The following SPAG16 variants were observed in gnomAD, a reference collection of about 807,000 sequenced individuals.
SPAG16 encodes the protein sperm-associated antigen 16 protein.
In SPAG16, 86 loss-of-function variants were observed where a neutral mutation model predicts 80.4. The ratio of observed to expected loss-of-function variants is 1.07; its 90% CI spans 0.90 to 1.28. SPAG16 has a LOEUF of 1.28. Ranked by LOEUF, SPAG16 falls within the 50% of genes most tolerant of loss-of-function variation. SPAG16 has a pLI of 0.00. For missense variants in SPAG16, 870 were observed against 765.3 expected (o/e 1.14, Z -1.61); for synonymous variants, 294 against 265.9 (o/e 1.11, Z -1.03).
chr2:213,536,718 T>C (rs2076262848), intron 10 of SPAG16, among the ~76,000 whole-genome samples: 1 of 152,194 alleles, frequency 6.6e-6, no homozygotes, highest in Non-Finnish European at 1.5e-5. Flanking sequence ...CATTGTAGAT[T>C]CTGGATATTA....
intron 15 of SPAG16, among the ~76,000 whole-genome samples, chr2:214,171,728 AC>A (rs1373557472): frequency 6.6e-6 from 1 of 151,992 alleles, no homozygotes; most frequent in Non-Finnish European, 1.5e-5. Flanking sequence ...ATTTCATGAT[AC>A]TAGTTTAAGA....
chr2:213,598,516 G>T (rs1461953369), intron 10 of SPAG16, among the ~76,000 whole-genome samples: 1 of 152,174 alleles, frequency 6.6e-6, no homozygotes, highest in Non-Finnish European at 1.5e-5. Flanking sequence ...TCACTGGGAA[G>T]AATTCCAGAT....
At chr2:213,557,807 T>A (rs1441144913) in intron 10 of SPAG16, among the ~76,000 whole-genome samples, 1 of 152,202 alleles carries the variant, frequency 6.6e-6, no homozygotes, top group East Asian at 1.9e-4. Context: ...ATCTGCCTAT[T>A]GACTTGTTTA....
intron 15 of SPAG16, among the ~76,000 whole-genome samples, chr2:214,390,589 T>TA (rs1701020954): frequency 6.6e-6 from 1 of 152,126 alleles, no homozygotes; most frequent in Admixed American, 6.6e-5. Context: ...ATGGGCAGTT[T>TA]AAATCTAGTA....
chr2:213,864,400 A>G (rs1310194727), intron 11 of SPAG16, among the ~76,000 whole-genome samples: 1 of 152,122 alleles, frequency 6.6e-6, no homozygotes, highest in Admixed American at 6.5e-5. Flanking sequence ...ATAATTTAAA[A>G]TCAAACCTAA....
intron 11 of SPAG16, among the ~76,000 whole-genome samples, chr2:213,905,437 A>G (rs1258124858): frequency 6.6e-6 from 1 of 152,232 alleles, no homozygotes; most frequent in East Asian, 1.9e-4. Flanking sequence ...GGCACATACA[A>G]TCCACTGGCA....
At chr2:214,281,169 C>T (rs1030040365) in intron 15 of SPAG16, 14 of 343,372 alleles carry the variant, frequency 4.1e-5, no homozygotes, top group South Asian at 2.0e-4. Context: ...CAGTACAATA[C>T]GCTGCAGCGT....
At chr2:214,168,794 G>A (rs1312612093) in intron 15 of SPAG16, among the ~76,000 whole-genome samples, 1 of 152,058 alleles carries the variant, frequency 6.6e-6, no homozygotes, top group Non-Finnish European at 1.5e-5. Context: ...TTACCTGAGA[G>A]CAAAGGGGAA....
intron 12 of SPAG16, among the ~76,000 whole-genome samples, chr2:213,977,112 G>A (rs993013558): frequency 6.6e-6 from 1 of 152,004 alleles, no homozygotes; most frequent in Non-Finnish European, 1.5e-5. Flanking sequence ...GACCAAGCAG[G>A]GGGATATGGG....
At chr2:214,165,600 T>A (rs186693775) in intron 15 of SPAG16, among the ~76,000 whole-genome samples, 3 of 149,974 alleles carry the variant, frequency 2.0e-5, no homozygotes, top group Non-Finnish European at 3.0e-5. Context: ...GGGCCTAAAC[T>A]ATTCTATAAT....
At chr2:213,419,014 T>C (rs2069431962) in intron 9 of SPAG16, among the ~76,000 whole-genome samples, 1 of 108,570 alleles carries the variant, frequency 9.2e-6, no homozygotes, top group Admixed American at 9.1e-5. Context: ...TTCCTAATGC[T>C]GCTATGCTAC....
chr2:214,005,943 G>C (rs929510633), intron 12 of SPAG16, among the ~76,000 whole-genome samples: 5 of 152,064 alleles, frequency 3.3e-5, no homozygotes, highest in Non-Finnish European at 7.4e-5. Context: ...GTTCATGTTG[G>C]ATTGTTAGAG....
intron 15 of SPAG16, among the ~76,000 whole-genome samples, chr2:214,180,330 G>A (rs942572168): frequency 4.2e-5 from 6 of 143,556 alleles, no homozygotes; most frequent in Admixed American, 1.4e-4. Flanking sequence ...TTTTGTTCTA[G>A]CCCTCTTTGT....
At chr2:213,989,748 A>G (rs2046189155) in intron 12 of SPAG16, among the ~76,000 whole-genome samples, 1 of 152,152 alleles carries the variant, frequency 6.6e-6, no homozygotes, top group Non-Finnish European at 1.5e-5. Flanking sequence ...GTTCAAATCG[A>G]TGTCAGACAT....
intron 11 of SPAG16, among the ~76,000 whole-genome samples, chr2:213,880,984 G>T (rs1447977788): frequency 6.6e-6 from 1 of 152,090 alleles, no homozygotes; most frequent in African/African-American, 2.4e-5. Flanking sequence ...TTTTTGAATA[G>T]TTTTTTCCTA....
At chr2:214,388,817 A>C (rs1700905103) in intron 15 of SPAG16, among the ~76,000 whole-genome samples, 1 of 152,182 alleles carries the variant, frequency 6.6e-6, no homozygotes, top group Non-Finnish European at 1.5e-5. Context: ...TATACCACAT[A>C]TATTGGTTTC....
At chr2:213,911,221 C>T (rs1462151578) in intron 11 of SPAG16, among the ~76,000 whole-genome samples, 1 of 152,240 alleles carries the variant, frequency 6.6e-6, no homozygotes, top group Non-Finnish European at 1.5e-5. Flanking sequence ...TCACAGCTCA[C>T]TGCAACTTCC....
intron 13 of SPAG16, among the ~76,000 whole-genome samples, chr2:214,101,726 T>C (rs1311856126): frequency 2.0e-5 from 3 of 152,270 alleles, no homozygotes; most frequent in African/African-American, 4.8e-5. Flanking sequence ...TCTGCCACTT[T>C]TTATTTGTGG....
At chr2:214,085,225 A>G (rs1366749080) in intron 13 of SPAG16, among the ~76,000 whole-genome samples, 2 of 152,128 alleles carry the variant, frequency 1.3e-5, no homozygotes, top group Non-Finnish European at 2.9e-5. Context: ...ACTTATAATT[A>G]GCCAGGCATG....
Sources: allele counts gnomAD v4.1 joint callset (sites outside exome capture counted in the v4.1 genomes callset), GRCh38; gene constraint gnomAD v4.1.1; transcripts MANE v1.5; gene names NCBI Gene and HGNC (gene_info 2026-07-23, HGNC 2026-07-21).